Variants in ITGA1 observed in about 807,000 individuals in gnomAD.
ITGA1 encodes the protein integrin subunit alpha 1, also known as integrin alpha-1.
A neutral mutation model predicts 145.9 loss-of-function variants in ITGA1; 85 were observed. That is an observed-to-expected ratio of 0.58 (90% CI 0.49 to 0.70). The LOEUF (loss-of-function observed/expected upper bound fraction) is 0.70. ITGA1 is among the 30% of genes least tolerant of loss of function. ITGA1 has a pLI of 0.00. For synonymous variants in ITGA1, 520 were observed against 495.3 expected (o/e 1.05, Z -0.66); for missense variants, 1,351 against 1,418.7 (o/e 0.95, Z 0.77).
intron 1 of ITGA1, among the ~76,000 whole-genome samples, chr5:52,830,516 A>G (rs559200619): frequency 6.1e-4 from 93 of 152,286 alleles, no homozygotes; most frequent in East Asian, 1.7e-3. Flanking sequence ...AGTCATTTTT[A>G]AGTTGATTGT....
chr5:52,931,529 C>T (rs7718036), intron 21 of ITGA1: 40,850 of 152,062 alleles, frequency 0.27, 6,185 homozygotes, highest in African/African-American at 0.4. Flanking sequence ...GTTTAACAAA[C>T]AATATGATCA....
intron 13 of ITGA1, 52 bp from the exon 14 acceptor site, chr5:52,910,110 C>G: frequency 6.5e-7 from 1 of 1,526,792 alleles, no homozygotes; most frequent in East Asian, 2.3e-5. Context: ...AAATTCTACT[C>G]TGCTGTAGTA....
chr5:52,897,920 G>A (rs1310319050), intron 10 of ITGA1, among the ~76,000 whole-genome samples: 2 of 152,122 alleles, frequency 1.3e-5, no homozygotes, highest in Non-Finnish European at 1.5e-5. Context: ...CCAGAATAAA[G>A]TAGAAAGACA....
intron 1 of ITGA1, chr5:52,801,214 A>T: frequency 1.5e-6 from 2 of 1,322,574 alleles, no homozygotes; most frequent in Non-Finnish European, 2.1e-6. Context: ...ATAAGAAGAG[A>T]AAGTCTTTAC....
At chr5:52,813,934 A>G (rs886903780) in intron 1 of ITGA1, among the ~76,000 whole-genome samples, 6 of 152,160 alleles carry the variant, frequency 3.9e-5, no homozygotes. Context: ...TATTAGGGGA[A>G]CTGGTAGACT....
chr5:52,927,558 T>A (rs1430955895), intron 19 of ITGA1, 26 bp from the exon 20 acceptor site: 3 of 1,527,194 alleles, frequency 2.0e-6, no homozygotes, highest in Non-Finnish European at 2.7e-6. Context: ...TTGTCCACTC[T>A]GATTCTGTTT....
intron 1 of ITGA1, among the ~76,000 whole-genome samples, chr5:52,840,101 C>T (rs535295889): frequency 3.5e-4 from 53 of 152,246 alleles, no homozygotes; most frequent in East Asian, 1.2e-3. Flanking sequence ...CCCTCAAAAA[C>T]GCCTGCTGTG....
intron 1 of ITGA1, among the ~76,000 whole-genome samples, chr5:52,810,108 T>G (rs1748662654): frequency 6.6e-6 from 1 of 152,236 alleles, no homozygotes; most frequent in African/African-American, 2.4e-5. Context: ...GCTTAGCTTC[T>G]TTCGTTTTTA....
chr5:52,915,559 G>A lies in ITGA1; in HGVS notation c.1953G>A (p.Val651=). Residue 651 remains valine, a synonymous_variant, in exon 15 of 29, where the codon GTG becomes GTA. Coordinates refer to ENST00000282588, the MANE Select transcript of ITGA1 (RefSeq NM_181501.2). ...MDLNGDGLTD[V]TIGGLGGAAL... is the part of the protein sequence containing the mutation. Reference sequence around the variant, plus strand: ...TAAATGGTGACGGTCTGACAGATGTGACTATTGGGGGCCTTGGTGGTGCTG... The same window carrying A: ...TAAATGGTGACGGTCTGACAGATGTAACTATTGGGGGCCTTGGTGGTGCTG... 6.2e-7 allele frequency: 1 copy of A among 1,614,076 alleles called. No individual in the cohort carries two copies. Among genetic ancestry groups the A allele is most frequent in the Non-Finnish European group, 8.5e-7 (1 of 1,179,992 alleles).
intron 14 of ITGA1, among the ~76,000 whole-genome samples, chr5:52,914,597 C>CA (rs34589797): frequency 0.38 from 53,741 of 141,778 alleles, 10,860 homozygotes; most frequent in Non-Finnish European, 0.47. Context: ...GATAGCGTCT[C>CA]AAAAAAAAAA....
chr5:52,918,728 GT>G lies in ITGA1; in HGVS notation c.1989-3del. 1 of 1,597,380 alleles carries G rather than the reference GT, an allele frequency of 6.3e-7. No homozygotes were observed. The highest frequency in any genetic ancestry group is 8.5e-7 in the Non-Finnish European group (1 of 1,174,944). The stretch of plus-strand genomic sequence containing the variant: ...GTGAGTAATCCCATTGTTTTTGTTT[GT>G]AGGTCCCGAGATGTGGCCGTAGTTA... On this transcript the variant is annotated splice_polypyrimidine_tract_variant and splice_region_variant and intron_variant, in intron 15 of 28. Coordinates refer to ENST00000282588, the MANE Select transcript of ITGA1 (RefSeq NM_181501.2).
chr5:52,801,366 T>TG, intron 1 of ITGA1: 1 of 1,512,342 alleles, frequency 6.6e-7, no homozygotes, highest in Non-Finnish European at 9.1e-7. Context: ...TAATGGGTGT[T>TG]CTAGGAGATT....
At chr5:52,793,063 T>C (rs1748272615) in intron 1 of ITGA1, among the ~76,000 whole-genome samples, 1 of 152,106 alleles carries the variant, frequency 6.6e-6, no homozygotes, top group Non-Finnish European at 1.5e-5. Context: ...TCTCAATCCC[T>C]GAATAAACGT....
rs1425261005 is a variant in ITGA1 at position 52,955,328 on chromosome 5, G to A, written c.*2877G>A. The A allele has an allele frequency of 6.7e-6, 1 of 150,370 alleles. No individual in the cohort carries two copies. Among genetic ancestry groups the A allele is most frequent in the African/African-American group, 2.4e-5 (1 of 40,858 alleles). The allele number at this position is 150,370 out of a possible 1,614,324, so 9.3% of individuals were successfully genotyped here. ...TGAGCTGACTTCAGCACACCACTGA[G>A]ACAGATTACACGATAGACAGATAGA... On this transcript the variant is annotated 3_prime_UTR_variant, in exon 29 of 29. Coordinates refer to ENST00000282588, the MANE Select transcript of ITGA1 (RefSeq NM_181501.2).
chr5:52,901,573 C>T (rs1750314457), intron 11 of ITGA1, among the ~76,000 whole-genome samples: 1 of 152,022 alleles, frequency 6.6e-6, no homozygotes, highest in Admixed American at 6.5e-5. Context: ...CTTAGGAAGC[C>T]CACACATTTT....
intron 26 of ITGA1, among the ~76,000 whole-genome samples, chr5:52,940,942 T>A (rs1751045498): frequency 6.6e-6 from 1 of 152,162 alleles, no homozygotes; most frequent in South Asian, 2.1e-4. Context: ...TGTCAGCTCC[T>A]CCAAGTAGTC....
At chr5:52,848,823 C>A (rs949362774) in intron 1 of ITGA1, among the ~76,000 whole-genome samples, 3 of 150,560 alleles carry the variant, frequency 2.0e-5, no homozygotes, top group Non-Finnish European at 4.4e-5. Flanking sequence ...TGAGAACATG[C>A]GGTGTTTGGT....
chr5:52,899,256 G>T (rs1750278392), intron 11 of ITGA1, among the ~76,000 whole-genome samples: 1 of 152,184 alleles, frequency 6.6e-6, no homozygotes, highest in African/African-American at 2.4e-5. Context: ...CTGTCCCGGA[G>T]ACAAGTCTTT....
intron 26 of ITGA1, among the ~76,000 whole-genome samples, chr5:52,943,190 A>G (rs182017032): frequency 1.3e-5 from 2 of 152,224 alleles, no homozygotes; most frequent in African/African-American, 4.8e-5. Flanking sequence ...CCCATTCAGT[A>G]TGATATTGGC....
Sources: gnomAD v4.1 joint callset for allele counts (sites outside exome capture counted in the v4.1 genomes callset) on GRCh38, gnomAD v4.1.1 for gene constraint, MANE v1.5 for transcripts, NCBI Gene and HGNC (gene_info 2026-07-23, HGNC 2026-07-21) for gene names.